Variants in MRTFB observed in about 807,000 individuals in gnomAD.
The protein encoded by MRTFB is myocardin related transcription factor B, also known as myocardin-related transcription factor B.
MRTFB carries 29 observed loss-of-function variants against 104.2 expected under a neutral mutation model. That is an observed-to-expected ratio of 0.28 (90% confidence interval 0.21 to 0.38). MRTFB has a LOEUF of 0.38. Ranked by LOEUF, MRTFB falls within the 10% of genes least tolerant of loss-of-function variation. The pLI is 1.00. For synonymous variants in MRTFB, 535 were observed against 519.5 expected, an observed-to-expected ratio of 1.03 and a Z score of -0.41; for missense variants, 1,270 against 1,341.6, an observed-to-expected ratio of 0.95 and a Z score of 0.83.
At chr16:14,051,648 C>G in the MRTFB span, among the ~76,000 whole-genome samples, 1 of 151,848 alleles carries the variant, frequency 6.6e-6, no homozygotes, top group African/African-American at 2.4e-5. Flanking sequence ...CTCGTATAGA[C>G]ACACATTCAC....
At chr16:14,053,851 G>A in the MRTFB span, among the ~76,000 whole-genome samples, 1 of 152,124 alleles carries the variant, frequency 6.6e-6, no homozygotes, top group Non-Finnish European at 1.5e-5. Flanking sequence ...TTGTGCCACT[G>A]CATCCAGCCT....
chr16:14,212,286 G>A, intron 4 of MRTFB, 68 bp from the exon 5 acceptor site: 2 of 1,462,004 alleles, frequency 1.4e-6, no homozygotes, highest in Non-Finnish European at 1.9e-6. Context: ...TATCACCATG[G>A]TATACTATAA....
chr16:14,078,656 C>T (rs1332841118), intron 1 of MRTFB, among the ~76,000 whole-genome samples: 1 of 151,002 alleles, frequency 6.6e-6, no homozygotes, highest in Non-Finnish European at 1.5e-5. Context: ...TCTCAAACTT[C>T]AGGGCTCAAG....
chr16:14,107,522 G>T (rs1596862845), intron 2 of MRTFB, among the ~76,000 whole-genome samples: 2 of 152,276 alleles, frequency 1.3e-5, no homozygotes, highest in Admixed American at 1.3e-4. Flanking sequence ...AGAACACTAG[G>T]CATAGAATAA....
chr16:14,203,829 A>T (rs1002933697), intron 3 of MRTFB, among the ~76,000 whole-genome samples: 2 of 146,844 alleles, frequency 1.4e-5, no homozygotes, highest in Non-Finnish European at 3.0e-5. Flanking sequence ...AAAAAAAAAA[A>T]TTTCAACATT....
the MRTFB span, among the ~76,000 whole-genome samples, chr16:13,999,209 AAC>A: frequency 2.0e-5 from 3 of 151,048 alleles, no homozygotes; most frequent in Non-Finnish European, 4.4e-5. Flanking sequence ...AAAAAAAAAG[AAC>A]AGTCACTTCT....
Position 14,246,494 on chromosome 16 carries a change from C to T in MRTFB, c.1234C>T (p.Leu412=). The T allele has an allele frequency of 6.2e-7, 1 of 1,614,118 alleles. No homozygotes were observed. The highest frequency in any genetic ancestry group is 1.7e-5 in the Admixed American group (1 of 60,030). ...CCAGGTATCAGAACTGAAGACAGAA[C>T]TGAAGTTAAGGGGTCTGCCAGTGTC... ...DLKVSELKTE[L]KLRGLPVSGT... The change falls in exon 12 of 17, where the codon CTG becomes TTG. Residue 412 remains leucine, a synonymous_variant. Coordinates refer to ENST00000571589, the MANE Select transcript of MRTFB (RefSeq NM_001308142.2).
chr16:14,064,557 T>C, the MRTFB span, among the ~76,000 whole-genome samples: 57 of 152,338 alleles, frequency 3.7e-4, no homozygotes, highest in African/African-American at 1.3e-3. Context: ...TCTAGAATGG[T>C]ATTTCCTAGG....
Position 14,247,517 on chromosome 16 carries a change from GTGTCTTCTAACTAC to G in MRTFB, c.2247+12_2247+25del, listed in dbSNP as rs2043074793. Reference sequence around the variant, plus strand: ...CAGCCTCAAACTCCAGGTGTGAAGTGTGTCTTCTAACTACTTTGCCTTACAGCATGCATGGAATG... The same window carrying G: ...CAGCCTCAAACTCCAGGTGTGAAGTGTTTGCCTTACAGCATGCATGGAATG... On this transcript the variant is annotated intron_variant, in intron 12 of 16. Transcript: ENST00000571589. The G allele has an allele frequency of 1.3e-6, 2 of 1,537,656 alleles. No homozygotes were observed. The highest frequency in any genetic ancestry group is 1.7e-6 in the Non-Finnish European group (2 of 1,146,576).
chr16:14,198,944 C>T (rs904688341), intron 3 of MRTFB, among the ~76,000 whole-genome samples: 1 of 152,136 alleles, frequency 6.6e-6, no homozygotes, highest in Non-Finnish European at 1.5e-5. Flanking sequence ...TTCTTCTCCC[C>T]TTCCCTCTCT....
chr16:14,234,396 C>G (rs894814055), intron 9 of MRTFB, 113 bp downstream of exon 9: 20 of 1,284,362 alleles, frequency 1.6e-5, no homozygotes, highest in Non-Finnish European at 2.0e-5. Flanking sequence ...GCCTTTTAGC[C>G]CAAAGTCTTA....
At chr16:13,995,416 G>A in the MRTFB span, among the ~76,000 whole-genome samples, 1 of 152,138 alleles carries the variant, frequency 6.6e-6, no homozygotes, top group Admixed American at 6.5e-5. Flanking sequence ...ATTGTCTCTT[G>A]CAAACAAGTT....
intron 1 of MRTFB, among the ~76,000 whole-genome samples, chr16:14,073,199 G>A (rs1279552520): frequency 6.6e-6 from 1 of 152,098 alleles, no homozygotes; most frequent in African/African-American, 2.4e-5. Context: ...AGTTTATAGT[G>A]GGCTTAATCT....
intron 10 of MRTFB, among the ~76,000 whole-genome samples, chr16:14,243,106 G>A (rs972787953): frequency 6.6e-6 from 1 of 152,040 alleles, no homozygotes; most frequent in Non-Finnish European, 1.5e-5. Flanking sequence ...AAATAAGGTG[G>A]AGAAACACTG....
chr16:14,034,183 A>G, the MRTFB span, among the ~76,000 whole-genome samples: 1 of 152,258 alleles, frequency 6.6e-6, no homozygotes, highest in Non-Finnish European at 1.5e-5. Flanking sequence ...CTTCAACAAC[A>G]GAAATGTATT....
At position 14,234,127 on chromosome 16, in the gene MRTFB, T is replaced by C; in HGVS notation, c.694-19T>C. 2 of 1,609,602 alleles carry C rather than the reference T, an allele frequency of 1.2e-6. No homozygotes were observed. The highest frequency in any genetic ancestry group is 4.5e-5 in the East Asian group (2 of 44,750). ...ATCATTAATTTCACAGACTTGTTCC[T>C]TTTTGCCTTTTCCACCAGTTTGCTT... is the stretch of plus-strand genomic sequence containing the variant. On this transcript the variant is annotated intron_variant, in intron 8 of 16. Transcript: ENST00000571589.
intron 3 of MRTFB, among the ~76,000 whole-genome samples, chr16:14,188,022 G>C (rs1423534711): frequency 6.6e-6 from 1 of 152,114 alleles, no homozygotes; most frequent in African/African-American, 2.4e-5. Flanking sequence ...GTAGTGCTTT[G>C]AGCTTCTTCT....
intron 3 of MRTFB, among the ~76,000 whole-genome samples, chr16:14,207,246 TCTC>T (rs945219975): frequency 2.6e-5 from 4 of 152,202 alleles, no homozygotes; most frequent in African/African-American, 9.6e-5. Context: ...GGGAAATTAT[TCTC>T]CTACCTTCAA....
chr16:14,238,743 G>A (rs1453480973), intron 9 of MRTFB, among the ~76,000 whole-genome samples: 6 of 152,220 alleles, frequency 3.9e-5, no homozygotes, highest in African/African-American at 1.4e-4. Context: ...AGTCAGTAAA[G>A]AACTAGGAGG....
Sources: gnomAD v4.1 joint callset for allele counts (sites outside exome capture counted in the v4.1 genomes callset) on GRCh38, gnomAD v4.1.1 for gene constraint, MANE v1.5 for transcripts, NCBI Gene and HGNC (gene_info 2026-07-23, HGNC 2026-07-21) for gene names.